LRRC4C: variants seen among roughly 807,000 people sequenced by gnomAD.
LRRC4C encodes the protein leucine-rich repeat-containing protein 4C.
Under a neutral mutation model 33.6 loss-of-function variants are expected in LRRC4C, and 5 were observed. The ratio of observed to expected loss-of-function variants is 0.15; its 90% CI spans 0.08 to 0.31. The LOEUF (loss-of-function observed/expected upper bound fraction) is 0.31. LRRC4C is among the 10% of genes least tolerant of loss of function. LRRC4C has a pLI of 1.00. For synonymous variants in LRRC4C, 329 were observed against 302.0 expected (o/e 1.09, Z -0.93); for missense variants, 560 against 796.7 (o/e 0.70, Z 3.58).
intron 3 of LRRC4C, among the ~76,000 whole-genome samples, chr11:40,412,554 C>T (rs1284219284): frequency 2.0e-5 from 3 of 152,080 alleles, no homozygotes; most frequent in Non-Finnish European, 4.4e-5. Flanking sequence ...TTTTCACCTC[C>T]ACCATCATAA....
At chr11:40,218,692 A>AATCTATCTATCT (rs3041085) in intron 5 of LRRC4C, among the ~76,000 whole-genome samples, 7,714 of 140,046 alleles carry the variant, frequency 0.055, 282 homozygotes, top group Non-Finnish European at 0.069. Context: ...AATGATAAAG[A>AATCTATCTATCT]ATCTATCTAT....
chr11:40,982,956 G>A (rs1852647075), intron 1 of LRRC4C, among the ~76,000 whole-genome samples: 1 of 152,082 alleles, frequency 6.6e-6, no homozygotes, highest in Non-Finnish European at 1.5e-5. Context: ...AGTTTGCTAA[G>A]GATAATGGTC....
intron 1 of LRRC4C, among the ~76,000 whole-genome samples, chr11:41,185,691 G>A (rs1480465956): frequency 1.3e-5 from 2 of 152,062 alleles, no homozygotes; most frequent in Admixed American, 6.6e-5. Context: ...ACTTGTATTT[G>A]CTATCCTTAT....
chr11:40,788,073 A>G (rs1205815085), intron 2 of LRRC4C, among the ~76,000 whole-genome samples: 2 of 152,172 alleles, frequency 1.3e-5, no homozygotes, highest in Non-Finnish European at 2.9e-5. Context: ...ACAAGTGAGG[A>G]AATTAGAGAT....
intron 1 of LRRC4C, among the ~76,000 whole-genome samples, chr11:41,381,926 A>G (rs1457600389): frequency 6.6e-6 from 1 of 151,054 alleles, no homozygotes; most frequent in Non-Finnish European, 1.5e-5. Context: ...GTGTTTGTAT[A>G]TATATATGCA....
intron 3 of LRRC4C, among the ~76,000 whole-genome samples, chr11:40,578,099 G>A: frequency 7.1e-6 from 1 of 141,396 alleles, no homozygotes; most frequent in African/African-American, 2.7e-5. Context: ...CTCCCAAAGT[G>A]CTGGGATTAC....
At chr11:40,982,054 C>G (rs1156947273) in intron 1 of LRRC4C, among the ~76,000 whole-genome samples, 1 of 152,142 alleles carries the variant, frequency 6.6e-6, no homozygotes, top group Non-Finnish European at 1.5e-5. Flanking sequence ...TTCCCCATGA[C>G]TAACTTCCCC....
At chr11:40,549,065 T>C (rs996172083) in intron 3 of LRRC4C, among the ~76,000 whole-genome samples, 1 of 152,156 alleles carries the variant, frequency 6.6e-6, no homozygotes, top group Non-Finnish European at 1.5e-5. Context: ...CAAACTTGCA[T>C]TAAAATATCT....
At chr11:41,046,016 A>G (rs1204893848) in intron 1 of LRRC4C, among the ~76,000 whole-genome samples, 2 of 152,204 alleles carry the variant, frequency 1.3e-5, no homozygotes, top group African/African-American at 2.4e-5. Flanking sequence ...ACTAACCAGT[A>G]GAAAGAAAAA....
intron 1 of LRRC4C, among the ~76,000 whole-genome samples, chr11:41,442,523 G>A (rs1400458526): frequency 2.0e-3 from 268 of 132,582 alleles, no homozygotes; most frequent in African/African-American, 7.2e-3. Flanking sequence ...AGGCTGGAGT[G>A]CAGTGGCACA....
intron 4 of LRRC4C, among the ~76,000 whole-genome samples, chr11:40,307,539 T>C (rs1945100526): frequency 6.6e-6 from 1 of 152,236 alleles, no homozygotes; most frequent in Non-Finnish European, 1.5e-5. Flanking sequence ...TCCCTCTAAA[T>C]ACTTTCAAAT....
chr11:41,124,719 A>T (rs1027051043), intron 1 of LRRC4C, among the ~76,000 whole-genome samples: 2 of 152,172 alleles, frequency 1.3e-5, no homozygotes, highest in African/African-American at 4.8e-5. Context: ...TCCTCTATTT[A>T]TTATTTCTTT....
At chr11:40,650,846 A>G (rs1374192602) in intron 2 of LRRC4C, among the ~76,000 whole-genome samples, 1 of 152,172 alleles carries the variant, frequency 6.6e-6, no homozygotes, top group African/African-American at 2.4e-5. Flanking sequence ...TCATTATGAC[A>G]TGACAAACCA....
intron 1 of LRRC4C, among the ~76,000 whole-genome samples, chr11:41,324,101 C>T (rs1403739951): frequency 6.6e-6 from 1 of 152,086 alleles, no homozygotes; most frequent in South Asian, 2.1e-4. Context: ...TACAACATCC[C>T]TAGGAAAGAT....
At chr11:40,225,060 A>T (rs1256414947) in intron 5 of LRRC4C, among the ~76,000 whole-genome samples, 5 of 152,212 alleles carry the variant, frequency 3.3e-5, no homozygotes, top group Non-Finnish European at 7.3e-5. Context: ...ACCAGTAAAA[A>T]CTTTTGTGGA....
intron 1 of LRRC4C, among the ~76,000 whole-genome samples, chr11:40,998,337 T>C (rs1854126249): frequency 6.6e-6 from 1 of 152,044 alleles, no homozygotes; most frequent in African/African-American, 2.4e-5. Context: ...AATATCATTA[T>C]CTAATCTAGA....
At chr11:41,452,578 A>G (rs1337582666) in intron 1 of LRRC4C, among the ~76,000 whole-genome samples, 3 of 152,050 alleles carry the variant, frequency 2.0e-5, no homozygotes, top group Non-Finnish European at 2.9e-5. Context: ...CAGCCAAGCA[A>G]TGAGTTTAAT....
intron 1 of LRRC4C, among the ~76,000 whole-genome samples, chr11:41,060,390 CA>C (rs1269125629): frequency 6.6e-6 from 1 of 152,150 alleles, no homozygotes; most frequent in Non-Finnish European, 1.5e-5. Flanking sequence ...TTAAATAAGA[CA>C]TTAATTTTCT....
At chr11:40,459,705 C>G (rs1235514333) in intron 3 of LRRC4C, among the ~76,000 whole-genome samples, 1 of 152,128 alleles carries the variant, frequency 6.6e-6, no homozygotes, top group African/African-American at 2.4e-5. Context: ...AGGGTGATGA[C>G]TCACAAAGCT....
Sources: allele counts gnomAD v4.1 joint callset (sites outside exome capture counted in the v4.1 genomes callset), GRCh38; gene constraint gnomAD v4.1.1; transcripts MANE v1.5; gene names NCBI Gene and HGNC (gene_info 2026-07-23, HGNC 2026-07-21).